Variants in SLC24A2 observed in about 807,000 individuals in gnomAD.
The protein encoded by SLC24A2 is sodium/potassium/calcium exchanger 2.
SLC24A2 carries 36 observed loss-of-function variants against 62.0 expected under a neutral mutation model. That is an observed-to-expected ratio of 0.58 (90% CI 0.44 to 0.77). The LOEUF (loss-of-function observed/expected upper bound fraction) is 0.77. Ranked by LOEUF, SLC24A2 falls within the 30% of genes least tolerant of loss-of-function variation. The pLI is 0.00. For synonymous variants in SLC24A2, 358 were observed against 294.0 expected (o/e 1.22, Z -2.23); for missense variants, 846 against 817.9 (o/e 1.03, Z -0.42).
At chr9:20,015,941 C>T in the SLC24A2 span, among the ~76,000 whole-genome samples, 703 of 152,306 alleles carry the variant, frequency 4.6e-3, 5 homozygotes, top group Non-Finnish European at 7.2e-3. Flanking sequence ...GAAGGGATCA[C>T]TACTAGATTA....
At chr9:20,250,636 C>T in the SLC24A2 span, among the ~76,000 whole-genome samples, 1 of 151,610 alleles carries the variant, frequency 6.6e-6, no homozygotes, top group Non-Finnish European at 1.5e-5. Context: ...GTGCTGAACA[C>T]AAGAGCCTAT....
chr9:20,204,118 A>G, the SLC24A2 span, among the ~76,000 whole-genome samples: 72 of 152,366 alleles, frequency 4.7e-4, no homozygotes, highest in African/African-American at 1.6e-3. Flanking sequence ...CCTAAAAGCC[A>G]AAAATTATTG....
chr9:19,639,397 T>C (rs546934935), intron 2 of SLC24A2, among the ~76,000 whole-genome samples: 1 of 152,188 alleles, frequency 6.6e-6, no homozygotes, highest in African/African-American at 2.4e-5. Context: ...CAGAATATGG[T>C]GGAAGTTCTC....
the SLC24A2 span, among the ~76,000 whole-genome samples, chr9:20,234,908 T>G: frequency 6.6e-5 from 10 of 152,218 alleles, no homozygotes; most frequent in Non-Finnish European, 1.2e-4. Flanking sequence ...GTTTTTGGTG[T>G]GGATGTCCTT....
At chr9:20,092,552 G>C in the SLC24A2 span, among the ~76,000 whole-genome samples, 1 of 152,090 alleles carries the variant, frequency 6.6e-6, no homozygotes, top group Non-Finnish European at 1.5e-5. Flanking sequence ...GGTTCATAAA[G>C]GTTTTAGACA....
chr9:19,918,228 A>C, the SLC24A2 span, among the ~76,000 whole-genome samples: 1 of 150,852 alleles, frequency 6.6e-6, no homozygotes, highest in Admixed American at 6.6e-5. Context: ...CCTGGGAACT[A>C]TTTTATTTGG....
chr9:20,062,616 G>A, the SLC24A2 span, among the ~76,000 whole-genome samples: 51 of 141,764 alleles, frequency 3.6e-4, no homozygotes, highest in African/African-American at 1.3e-3. Context: ...AAAAGCAATG[G>A]CAACAAAAGC....
chr9:19,973,145 C>G, the SLC24A2 span, among the ~76,000 whole-genome samples: 1 of 152,128 alleles, frequency 6.6e-6, no homozygotes, highest in Admixed American at 6.5e-5. Context: ...TGAGGCCAGC[C>G]TGGGCAACAC....
At chr9:19,945,577 G>T in the SLC24A2 span, among the ~76,000 whole-genome samples, 2 of 152,144 alleles carry the variant, frequency 1.3e-5, no homozygotes, top group African/African-American at 4.8e-5. Flanking sequence ...ACCTTTGCTT[G>T]TGGCATGCTT....
At chr9:20,070,857 T>A in the SLC24A2 span, among the ~76,000 whole-genome samples, 2 of 152,204 alleles carry the variant, frequency 1.3e-5, no homozygotes, top group Admixed American at 1.3e-4. Context: ...TCATGGCCAG[T>A]GATATGGTTT....
intron 8 of SLC24A2, among the ~76,000 whole-genome samples, chr9:19,531,978 G>T (rs900417709): frequency 1.3e-5 from 2 of 152,078 alleles, no homozygotes; most frequent in African/African-American, 4.8e-5. Context: ...ATTCATGAGG[G>T]TTCCACCACC....
intron 2 of SLC24A2, among the ~76,000 whole-genome samples, chr9:19,782,766 T>A (rs977469668): frequency 1.1e-4 from 16 of 152,210 alleles, no homozygotes; most frequent in African/African-American, 3.9e-4. Flanking sequence ...TTAACATTCA[T>A]TTCTTCATTT....
the SLC24A2 span, among the ~76,000 whole-genome samples, chr9:19,982,219 C>A: frequency 1.3e-5 from 2 of 152,064 alleles, no homozygotes; most frequent in African/African-American, 4.8e-5. Flanking sequence ...GACACAGAGG[C>A]CCAAAAGAGC....
At chr9:19,543,435 G>C (rs1442082142) in intron 8 of SLC24A2, among the ~76,000 whole-genome samples, 1 of 148,792 alleles carries the variant, frequency 6.7e-6, no homozygotes, top group Non-Finnish European at 1.5e-5. Flanking sequence ...ATCTCCTTCA[G>C]TTCTGCTCTG....
At chr9:20,180,029 G>A in the SLC24A2 span, among the ~76,000 whole-genome samples, 2 of 152,122 alleles carry the variant, frequency 1.3e-5, no homozygotes, top group Admixed American at 1.3e-4. Context: ...GTCCCATGAG[G>A]ACATCAGTAA....
intron 9 of SLC24A2, among the ~76,000 whole-genome samples, chr9:19,523,665 G>A (rs550415998): frequency 1.3e-4 from 20 of 152,192 alleles, no homozygotes; most frequent in African/African-American, 3.1e-4. Context: ...GTTTCACCAC[G>A]TTGGCCAGGC....
chr9:19,776,995 C>T (rs1226818722), intron 2 of SLC24A2, among the ~76,000 whole-genome samples: 24 of 152,136 alleles, frequency 1.6e-4, no homozygotes, highest in Admixed American at 1.6e-3. Context: ...CTTCATTTCC[C>T]AAATCTTCGG....
At chr9:19,580,773 T>G (rs1395778407) in intron 5 of SLC24A2, among the ~76,000 whole-genome samples, 1 of 151,810 alleles carries the variant, frequency 6.6e-6, no homozygotes, top group Admixed American at 6.5e-5. Flanking sequence ...TCTACATATT[T>G]CTGTGCTTTA....
At chr9:19,817,265 G>A in the SLC24A2 span, among the ~76,000 whole-genome samples, 5 of 151,804 alleles carry the variant, frequency 3.3e-5, no homozygotes, top group Non-Finnish European at 4.4e-5. Context: ...ACTATAGGGA[G>A]TTATGCCTGA....
Sources: gnomAD v4.1 joint callset for allele counts (sites outside exome capture counted in the v4.1 genomes callset) on GRCh38, gnomAD v4.1.1 for gene constraint, MANE v1.5 for transcripts, NCBI Gene and HGNC (gene_info 2026-07-23, HGNC 2026-07-21) for gene names.